Variants in LRP5 observed in about 807,000 individuals in gnomAD.
LRP5 encodes LDL receptor related protein 5, also known as low-density lipoprotein receptor-related protein 5.
In LRP5, 62 loss-of-function variants were observed where a neutral mutation model predicts 154.1. That is an observed-to-expected ratio of 0.40 (90% CI 0.33 to 0.50). The LOEUF (loss-of-function observed/expected upper bound fraction) is 0.50, where lower values mean the gene tolerates loss of function less well. Among genes scored for constraint, LRP5 ranks in the 20% least tolerant of loss-of-function variants. The pLI is 0.55. For missense variants in LRP5, 1,915 were observed against 2,336.7 expected (o/e 0.82, Z 3.72); for synonymous variants, 966 against 1,011.5 (o/e 0.96, Z 0.85).
intron 5 of LRP5, among the ~76,000 whole-genome samples, chr11:68,383,822 G>C (rs1255329249): frequency 3.9e-5 from 6 of 152,212 alleles, no homozygotes; most frequent in Non-Finnish European, 7.4e-5. Flanking sequence ...CAGCTTCCCT[G>C]AGGAGGAGGT....
chr11:68,337,930 G>A (rs987845187), intron 1 of LRP5, among the ~76,000 whole-genome samples: 9 of 152,240 alleles, frequency 5.9e-5, no homozygotes, highest in Admixed American at 3.9e-4. Flanking sequence ...GCCTGCCTGG[G>A]CCACCTGCAG....
intron 1 of LRP5, among the ~76,000 whole-genome samples, chr11:68,319,939 C>G (rs968824412): frequency 4.6e-5 from 7 of 152,124 alleles, no homozygotes; most frequent in African/African-American, 1.2e-4. Context: ...AGGAGGATCA[C>G]TTGAGTCCAG....
intron 1 of LRP5, among the ~76,000 whole-genome samples, chr11:68,325,627 G>A (rs2098599200): frequency 6.6e-6 from 1 of 152,218 alleles, no homozygotes; most frequent in South Asian, 2.1e-4. Context: ...GAGTCACTGA[G>A]GGGGCAGTAG....
chr11:68,335,996 C>T (rs537046582), intron 1 of LRP5, among the ~76,000 whole-genome samples: 8 of 152,110 alleles, frequency 5.3e-5, no homozygotes, highest in South Asian at 2.1e-4. Flanking sequence ...AGCTCAAGTA[C>T]GGAATCTGGG....
In LRP5 at chr11:68,312,867, G is replaced by C. The variant is rs1275485712; in HGVS notation, c.91+62G>C. On this transcript the variant is annotated intron_variant, in intron 1 of 22. Transcript: ENST00000294304. ...CTCGGACAATGGCCCGGGCGGCCCCGCGGCCAAGTGCGCGGGCGCCGCCGC... is the reference window on the plus strand; with the variant it reads ...CTCGGACAATGGCCCGGGCGGCCCCCCGGCCAAGTGCGCGGGCGCCGCCGC... The C allele has an allele frequency of 1.6e-5, 14 of 894,800 alleles. No homozygotes were observed. In the African/African-American group the frequency reaches 2.6e-4, roughly 17 times the overall value. 55.4% of individuals were successfully genotyped at this position (894,800 alleles called of 1,614,324 possible). A position where few individuals can be genotyped will look rare whatever the true frequency, so the allele number is the denominator to read the frequency against.
intron 17 of LRP5, among the ~76,000 whole-genome samples, chr11:68,432,383 G>A (rs1376105069): frequency 2.6e-5 from 4 of 152,178 alleles, no homozygotes; most frequent in South Asian, 4.1e-4. Context: ...CCTCTCAGCC[G>A]TCGTGGGCTG....
chr11:68,363,700 CG>C, intron 3 of LRP5, 46 bp from the exon 4 acceptor site: 1 of 1,482,170 alleles, frequency 6.7e-7, no homozygotes. Context: ...CAATGACTGT[CG>C]GGGGACCCTC....
intron 21 of LRP5, among the ~76,000 whole-genome samples, chr11:68,441,048 G>T (rs867643681): frequency 6.6e-6 from 1 of 152,064 alleles, no homozygotes; most frequent in Non-Finnish European, 1.5e-5. Context: ...GATTACAGGC[G>T]TGAGCCACCG....
At position 68,389,110 on chromosome 11, in the gene LRP5, C is replaced by CTACCAACACCAACATT. The variant is rs1471233847; in HGVS notation, c.1413-766_1413-751dup. Among the ~76,000 whole-genome samples the CTACCAACACCAACATT allele has an allele frequency of 2.6e-3, 12 of 4,540 alleles. No homozygotes were observed. In the East Asian group the frequency reaches 0.059, roughly 22 times the overall value. The allele number at this position is 4,540 out of a possible 152,430, so 3.0% of individuals were successfully genotyped here. Reference sequence around the variant, plus strand: ...CACTGACATCTACTGACATTGGCATCTACCAACACCAACATTTACCGACAC... The same window carrying CTACCAACACCAACATT: ...CACTGACATCTACTGACATTGGCATCTACCAACACCAACATTTACCAACACCAACATTTACCGACAC... On this transcript the variant is annotated intron_variant, in intron 6 of 22. Coordinates refer to ENST00000294304, the MANE Select transcript of LRP5 (RefSeq NM_002335.4).
At chr11:68,350,917 C>T (rs945271523) in intron 2 of LRP5, among the ~76,000 whole-genome samples, 3 of 151,946 alleles carry the variant, frequency 2.0e-5, no homozygotes, top group South Asian at 4.1e-4. Context: ...TGCGTGTGCA[C>T]GCATATGCGT....
chr11:68,307,043 G>C, the LRP5 span, among the ~76,000 whole-genome samples: 1 of 152,186 alleles, frequency 6.6e-6, no homozygotes, highest in Non-Finnish European at 1.5e-5. Context: ...TTAGCCGGGT[G>C]TGGTGGCGCA....
At chr11:68,375,914 C>A (rs1054373303) in intron 5 of LRP5, among the ~76,000 whole-genome samples, 30 of 152,316 alleles carry the variant, frequency 2.0e-4, no homozygotes, top group African/African-American at 7.2e-4. Context: ...GGGAAGGATG[C>A]ATAAGTTGTA....
At position 68,447,458 on chromosome 11, in the gene LRP5, C is replaced by T. The variant is rs550153076; in HGVS notation, c.4586+925C>T. ...GGAGCCGGAACTGCAGCCTCCATTT[C>T]CACCCCACTCCGGGTCGGGCCACCT... On this transcript the variant is annotated intron_variant, in intron 22 of 22. Transcript: ENST00000294304. The surrounding 1 kb of genome is among the most constrained non-coding windows in gnomAD (Gnocchi z 4.3). 2.0e-5 allele frequency among the ~76,000 whole-genome samples: 3 copies of T among 152,306 alleles called. No individual in the cohort carries two copies. In the South Asian group the frequency reaches 6.2e-4, roughly 32 times the overall value.
chr11:68,404,629 G>C (rs1591285893), intron 8 of LRP5, among the ~76,000 whole-genome samples: 3 of 152,234 alleles, frequency 2.0e-5, no homozygotes, highest in Admixed American at 1.3e-4. Flanking sequence ...TCATGTAGGG[G>C]ATGCAATCCA....
intron 5 of LRP5, among the ~76,000 whole-genome samples, chr11:68,373,845 G>T (rs757186824): frequency 6.6e-6 from 1 of 152,224 alleles, no homozygotes; most frequent in Non-Finnish European, 1.5e-5. Context: ...TCTGTGGAAC[G>T]TGCCCCTGTT....
chr11:68,308,750 T>C (rs537027681), upstream of LRP5, among the ~76,000 whole-genome samples: 1 of 149,498 alleles, frequency 6.7e-6, no homozygotes, highest in South Asian at 2.1e-4. Context: ...GCCCCTTTCT[T>C]TTTTTTTTTC....
chr11:68,425,828 C>G (rs1426989575), intron 15 of LRP5, 150 bp from the exon 16 acceptor site: 1 of 718,374 alleles, frequency 1.4e-6, no homozygotes, highest in Non-Finnish European at 2.4e-6. Flanking sequence ...GGCCTGCTTC[C>G]AGGGACTCTG....
At chr11:68,369,329 G>A (rs1468427843) in intron 5 of LRP5, among the ~76,000 whole-genome samples, 2 of 152,164 alleles carry the variant, frequency 1.3e-5, no homozygotes, top group African/African-American at 4.8e-5. Context: ...TGCCACCATC[G>A]ATTGGTGATG....
upstream of LRP5, among the ~76,000 whole-genome samples, chr11:68,310,988 C>T (rs973826736): frequency 2.6e-5 from 4 of 151,986 alleles, no homozygotes; most frequent in Non-Finnish European, 5.9e-5. Context: ...GCAGCCCTCA[C>T]GAGCCCTGGA....
Sources: allele counts gnomAD v4.1 joint callset (sites outside exome capture counted in the v4.1 genomes callset), GRCh38; gene constraint gnomAD v4.1.1; non-coding constraint Gnocchi (gnomAD v3.1); transcripts MANE v1.5; gene names NCBI Gene and HGNC (gene_info 2026-07-23, HGNC 2026-07-21).